The following MYL6B variants were observed in gnomAD, a reference collection of about 807,000 sequenced individuals.
MYL6B encodes the protein myosin alkali light chain 1 slow a.
MYL6B carries 19 observed loss-of-function variants against 24.5 expected under a neutral mutation model. That is an observed-to-expected ratio of 0.78 (90% CI 0.54 to 1.14). The LOEUF (loss-of-function observed/expected upper bound fraction) is 1.14, where lower values mean the gene tolerates loss of function less well. MYL6B is among the 50% of genes most tolerant of loss of function. MYL6B has a pLI of 0.00. For synonymous variants in MYL6B, 90 were observed against 100.7 expected, an observed-to-expected ratio of 0.89 and a Z score of 0.64; for missense variants, 230 against 263.8, an observed-to-expected ratio of 0.87 and a Z score of 0.89.
chr12:56,155,573 A>T (rs1344121584), exon 5 of MYL6B: 1 of 1,613,358 alleles, frequency 6.2e-7, no homozygotes, highest in Non-Finnish European at 8.5e-7. Flanking sequence ...CAGAGCTCAG[A>T]CATGTTCTCA....
exon 7 of MYL6B, chr12:56,157,919 A>G: frequency 3.2e-6 from 2 of 627,656 alleles, no homozygotes; most frequent in Non-Finnish European, 5.5e-6. Context: ...CGCAGGCGAA[A>G]GCACGTTCCA....
In MYL6B at chr12:56,157,385, G is replaced by C. The variant is rs1871365330; in HGVS notation, c.521-83G>C. On this transcript the variant is annotated intron_variant, in intron 5 of 6. Transcript: ENST00000553066. ...GCCTGAGCGACAGGAGCGAAACTCCGTCTCAAAAAAAAAAAGGAAAAGCGT... is the reference window on the plus strand; with the variant it reads ...GCCTGAGCGACAGGAGCGAAACTCCCTCTCAAAAAAAAAAAGGAAAAGCGT... 3 of 1,346,460 alleles carry C rather than the reference G, an allele frequency of 2.2e-6. No homozygotes were observed. The East Asian group carries it at 7.2e-5, about 32-fold the overall frequency. 83.4% of individuals were successfully genotyped at this position (1,346,460 alleles called of 1,614,324 possible).
intron 2 of MYL6B, among the ~76,000 whole-genome samples, chr12:56,154,334 C>CA (rs1871226353): frequency 6.6e-6 from 1 of 152,214 alleles, no homozygotes; most frequent in Non-Finnish European, 1.5e-5. Flanking sequence ...TTACCCCCTG[C>CA]TGGAGGCAGG....
chr12:56,157,948 A>G (rs1388348850), exon 7 of MYL6B: 6 of 597,790 alleles, frequency 1.0e-5, no homozygotes, highest in South Asian at 4.1e-5. Flanking sequence ...GAGGCCACCT[A>G]TTGTTTCAAA....
rs765509671 is a variant in MYL6B, at chr12:56,155,374, T to C, written c.347-45T>C. 4.3e-6 allele frequency: 7 copies of C among 1,613,464 alleles called. 1 individual carries two copies. The South Asian group carries it at 4.4e-5, about 10-fold the overall frequency. On this transcript the variant is annotated intron_variant, in intron 4 of 6. Coordinates refer to ENST00000553066, the Ensembl canonical transcript of MYL6B. Reference sequence around the variant, plus strand: ...TGGTAGGGTTGGGAGCTGGGTCCTATGTAATACTACAATGACCTCTCCTTT... The same window carrying C: ...TGGTAGGGTTGGGAGCTGGGTCCTACGTAATACTACAATGACCTCTCCTTT...
intron 5 of MYL6B, chr12:56,155,882 T>C: frequency 7.7e-7 from 1 of 1,290,848 alleles, no homozygotes; most frequent in Non-Finnish European, 9.9e-7. Context: ...CGTAACCTCC[T>C]GGGATTGTTT....
intron 1 of MYL6B, 36 bp from the exon 2 acceptor site, chr12:56,153,837 C>A (rs1228283901): frequency 6.9e-7 from 1 of 1,443,578 alleles, no homozygotes; most frequent in East Asian, 2.4e-5. Context: ...CTGCCCCCGC[C>A]CCTTGACATC....
intron 3 of MYL6B, 54 bp from the exon 4 acceptor site, chr12:56,155,001 G>C: frequency 1.3e-6 from 2 of 1,570,918 alleles, no homozygotes; most frequent in Admixed American, 1.9e-5. Flanking sequence ...CCTTCTGTCT[G>C]GGGGTGATGG....
intron 5 of MYL6B, chr12:56,155,960 G>A (rs1006383971): frequency 3.4e-5 from 41 of 1,188,546 alleles, no homozygotes; most frequent in Non-Finnish European, 4.0e-5. Context: ...ATGACCAGGG[G>A]AGGATTCCCT....
chr12:56,155,527 TGTTTGACAAGGAGGG>T, exon 5 of MYL6B: 1 of 1,613,784 alleles, frequency 6.2e-7, no homozygotes, highest in Non-Finnish European at 8.5e-7. Context: ...GGGTTTCGTG[TGTTTGACAAGGAGGG>T]GAACGGCAAA....
intron 5 of MYL6B, chr12:56,155,849 G>C: frequency 7.3e-7 from 1 of 1,376,430 alleles, no homozygotes; most frequent in Non-Finnish European, 9.4e-7. Context: ...AGACGTGTGG[G>C]TTGTGTGTTC....
Position 56,157,445 on chromosome 12 carries a change from C to T in MYL6B, c.521-23C>T, listed in dbSNP as rs1871370904. ...GAGTGAAGGAGGGAAAGGAGGGCCT[C>T]AGACGTTGTGTCTGGGATTCAGGAG... On this transcript the variant is annotated intron_variant, in intron 5 of 6. Coordinates refer to ENST00000553066, the Ensembl canonical transcript of MYL6B. 4 of 1,611,938 alleles carry T rather than the reference C, an allele frequency of 2.5e-6. No individual in the cohort carries two copies. The South Asian group carries it at 3.3e-5, about 13-fold the overall frequency.
intron 3 of MYL6B, 22 bp from the exon 4 acceptor site, chr12:56,155,033 C>CA (rs1871251775): frequency 1.2e-6 from 2 of 1,601,260 alleles, no homozygotes; most frequent in South Asian, 2.2e-5. Context: ...AGTGTCTACA[C>CA]TGACCCTTCC....
chr12:56,155,954 C>T (rs770908088), intron 5 of MYL6B: 18 of 1,189,208 alleles, frequency 1.5e-5, no homozygotes, highest in African/African-American at 3.2e-5. Flanking sequence ...GCATCCATGA[C>T]CAGGGGAGGA....
chr12:56,157,340 C>A, intron 5 of MYL6B, 128 bp from the exon 6 acceptor site: 1 of 822,494 alleles, frequency 1.2e-6, no homozygotes. Context: ...GCCGAGATCG[C>A]TCCGCTCCAC....
chr12:56,154,739 A>G, intron 2 of MYL6B, 74 bp from the exon 3 acceptor site: 1 of 1,539,262 alleles, frequency 6.5e-7, no homozygotes, highest in South Asian at 1.2e-5. Flanking sequence ...AGTGGCTGCC[A>G]GTTGGTTGGG....
At chr12:56,157,601 T>C in intron 6 of MYL6B, 56 bp downstream of exon 6, 2 of 1,613,144 alleles carry the variant, frequency 1.2e-6, no homozygotes, top group Non-Finnish European at 1.7e-6. Context: ...CCTGGCGTCT[T>C]GCCGCGTGTG....
chr12:56,156,457 T>C (rs1269994443), intron 5 of MYL6B, among the ~76,000 whole-genome samples: 1 of 148,674 alleles, frequency 6.7e-6, no homozygotes, highest in Non-Finnish European at 1.5e-5. Flanking sequence ...ACACAAAAAT[T>C]AGCCAGGCAT....
rs373791272 is a variant in MYL6B, at chr12:56,153,901, C to T, written c.-18C>T. The T allele has an allele frequency of 1.5e-5, 24 of 1,603,456 alleles. No individual in the cohort carries two copies. The African/African-American group carries it at 2.3e-4, about 15-fold the overall frequency. ...TGGGTGCCCCCATCCGCACACTGTC[C>T]TTTGGCCACCGGACATCATGCCTCC... On this transcript the variant is annotated 5_prime_UTR_variant, in exon 2 of 7. Transcript: ENST00000553066.
Sources: allele counts gnomAD v4.1 joint callset (sites outside exome capture counted in the v4.1 genomes callset), GRCh38; gene constraint gnomAD v4.1.1; transcripts MANE v1.5; gene names NCBI Gene and HGNC (gene_info 2026-07-23, HGNC 2026-07-21).